The following GPALPP1 variants were observed in gnomAD, a reference collection of about 807,000 sequenced individuals.
GPALPP1 encodes the protein GPALPP motifs-containing protein 1.
GPALPP1 carries 30 observed loss-of-function variants against 38.9 expected under a neutral mutation model. The observed-to-expected ratio is 0.77, with a 90% confidence interval of 0.58 to 1.05. The LOEUF is 1.05. GPALPP1 is among the 50% of genes least tolerant of loss of function. The pLI, the probability that GPALPP1 is intolerant of heterozygous loss-of-function variation, is 0.00. For synonymous variants in GPALPP1, 120 were observed against 139.2 expected (o/e 0.86, Z 0.97); for missense variants, 384 against 408.8 (o/e 0.94, Z 0.52).
intron 1 of GPALPP1, among the ~76,000 whole-genome samples, chr13:44,993,803 TTC>T (rs949107173): frequency 8.0e-6 from 1 of 125,452 alleles, no homozygotes; most frequent in African/African-American, 2.7e-5. Context: ...GCTTGTTAAT[TTC>T]TGTTTGTCTT....
At chr13:45,034,501 A>C (rs893490543), downstream of GPALPP1, 1 of 152,142 alleles carries the variant, frequency 6.6e-6, no homozygotes, top group Non-Finnish European at 1.5e-5. Flanking sequence ...AAAAGCTAGC[A>C]GTGTGAAAAG....
rs1269284087 is a variant in GPALPP1 at position 45,008,846 on chromosome 13, A to G, written c.375A>G (p.Lys125=). Residue 125 remains lysine (K), a synonymous_variant, in exon 4 of 8, where the codon AAA becomes AAG. Coordinates refer to ENST00000379151, the MANE Select transcript of GPALPP1 (RefSeq NM_018559.5). ...CTGGTTTCATTAAATCTACACAGAA[A>G]AGTGACAAGGGCAGAGATGATCCAG... ...LPPGFIKSTQ[K]SDKGRDDPGQ... 6.3e-7 allele frequency: 1 copy of G among 1,599,996 alleles called. No homozygotes were observed. The highest frequency in any genetic ancestry group is 8.6e-7 in the Non-Finnish European group (1 of 1,167,330).
rs1876091021 is a variant in GPALPP1, at chr13:45,029,655, C to T, written c.*1652C>T. On this transcript the variant is annotated 3_prime_UTR_variant, in exon 8 of 8. Coordinates refer to ENST00000379151, the MANE Select transcript of GPALPP1 (RefSeq NM_018559.5). ...TCAAGTCCTTACTGTAAATCCATGA[C>T]TTTGAAATTTGTTGTTTTTTCCCTT... The T allele has an allele frequency of 1.3e-5, 2 of 152,236 alleles. No individual in the cohort carries two copies. Among genetic ancestry groups the T allele is most frequent in the South Asian group, 4.1e-4 (2 of 4,826 alleles). The allele number at this position is 152,236 out of a possible 1,614,324, so 9.4% of individuals were successfully genotyped here.
At chr13:45,031,852 A>G (rs1420996060), downstream of GPALPP1, 1 of 152,228 alleles carries the variant, frequency 6.6e-6, no homozygotes, top group Non-Finnish European at 1.5e-5. Flanking sequence ...GGCAGGAGAC[A>G]TTTTAATAAG....
chr13:44,994,630 C>G (rs1038951246), intron 1 of GPALPP1, among the ~76,000 whole-genome samples: 1 of 152,170 alleles, frequency 6.6e-6, no homozygotes, highest in Non-Finnish European at 1.5e-5. Context: ...GTTTTCAGAG[C>G]TCAGTACAAA....
At position 45,020,374 on chromosome 13, in the gene GPALPP1, A is replaced by G; in HGVS notation, c.750A>G (p.Glu250=). Residue 250 remains glutamate, a synonymous_variant, in exon 7 of 8, where the codon GAA becomes GAG. Coordinates refer to ENST00000379151, the MANE Select transcript of GPALPP1 (RefSeq NM_018559.5). ...ARKSSSKKDE[E]HILSGRDKRL... Reference sequence around the variant, plus strand: ...AGTCATCCAGTAAGAAAGATGAAGAACATATATTATCAGGAAGAGATAAGA... The same window carrying G: ...AGTCATCCAGTAAGAAAGATGAAGAGCATATATTATCAGGAAGAGATAAGA... The G allele has an allele frequency of 6.5e-7, 1 of 1,549,910 alleles. No individual in the cohort carries two copies. The highest frequency in any genetic ancestry group is 1.4e-5 in the African/African-American group (1 of 73,540).
intron 7 of GPALPP1, among the ~76,000 whole-genome samples, chr13:45,026,050 G>C (rs754621341): frequency 1.1e-4 from 16 of 152,198 alleles, no homozygotes; most frequent in Non-Finnish European, 1.8e-4. Context: ...GATTACAGGC[G>C]TGAGCCACTG....
At chr13:44,995,620 G>A (rs1275888040) in intron 1 of GPALPP1, among the ~76,000 whole-genome samples, 1 of 152,146 alleles carries the variant, frequency 6.6e-6, no homozygotes, top group African/African-American at 2.4e-5. Context: ...GACTGTCCCA[G>A]TTTTAGCACT....
At chr13:44,997,147 T>A (rs1160192484) in intron 1 of GPALPP1, among the ~76,000 whole-genome samples, 1 of 151,686 alleles carries the variant, frequency 6.6e-6, no homozygotes, top group Non-Finnish European at 1.5e-5. Context: ...TTAAGTTTCA[T>A]CCATGTGGTA....
At chr13:45,004,561 G>A (rs1285948516) in intron 2 of GPALPP1, 124 bp downstream of exon 2, 1 of 615,578 alleles carries the variant, frequency 1.6e-6, no homozygotes. Flanking sequence ...AAATCATTTT[G>A]TGTGGCATTT....
chr13:45,011,735 C>T (rs1325675828), intron 4 of GPALPP1, among the ~76,000 whole-genome samples: 1 of 152,194 alleles, frequency 6.6e-6, no homozygotes, highest in Non-Finnish European at 1.5e-5. Flanking sequence ...AAGTATTCAA[C>T]TTCAAATAGC....
rs181252018 is a variant in GPALPP1, at chr13:45,015,025, C to T, written c.482C>T (p.Thr161Met). The stretch of plus-strand genomic sequence containing the variant: ...AAAGGACCAGTTAACTATAATGTAA[C>T]GACAGAGTTTGAAAAAAGGGCCCAG... ...PAKGPVNYNV[T>M]TEFEKRAQRM... is the part of the protein sequence containing the mutation. The change falls in exon 5 of 8, where the codon ACG becomes ATG. Residue 161 changes from threonine to methionine, a missense_variant. Transcript: ENST00000379151. 2.4e-5 allele frequency: 39 copies of T among 1,604,764 alleles called. No homozygotes were observed. The Admixed American group carries it at 3.2e-4, about 13-fold the overall frequency.
intron 1 of GPALPP1, among the ~76,000 whole-genome samples, chr13:44,998,747 C>T (rs1316412400): frequency 2.6e-5 from 4 of 152,182 alleles, no homozygotes; most frequent in African/African-American, 7.2e-5. Context: ...TTTATATTTG[C>T]ATGATTTAAC....
intron 4 of GPALPP1, among the ~76,000 whole-genome samples, chr13:45,014,368 A>T (rs186872782): frequency 3.9e-5 from 6 of 152,202 alleles, no homozygotes; most frequent in Non-Finnish European, 7.3e-5. Context: ...AATCACTAAC[A>T]GTTGAGATAA....
chr13:44,996,999 C>T (rs183394076), intron 1 of GPALPP1, among the ~76,000 whole-genome samples: 6 of 151,954 alleles, frequency 3.9e-5, no homozygotes, highest in Non-Finnish European at 7.4e-5. Flanking sequence ...CTCATTCCCC[C>T]CTCCAGCTCC....
At chr13:45,024,553 C>G (rs113779426) in intron 7 of GPALPP1, among the ~76,000 whole-genome samples, 7,445 of 150,848 alleles carry the variant, frequency 0.049, 270 homozygotes, top group East Asian at 0.12. Context: ...CCCACCTTGG[C>G]CTTCCAAAGT....
At chr13:44,990,755 G>A (rs1234330453) in intron 1 of GPALPP1, among the ~76,000 whole-genome samples, 1 of 152,074 alleles carries the variant, frequency 6.6e-6, no homozygotes, top group Non-Finnish European at 1.5e-5. Flanking sequence ...TCTACTACAG[G>A]CCCCTTTCCA....
chr13:45,006,233 G>A lies in GPALPP1; in HGVS notation c.253G>A (p.Asp85Asn), dbSNP rs762040602. 1 of 1,610,484 alleles carries A rather than the reference G, an allele frequency of 6.2e-7. No individual in the cohort carries two copies. Among genetic ancestry groups the A allele is most frequent in the Non-Finnish European group, 8.5e-7 (1 of 1,177,572 alleles). ...GAGGAAAAATCAGGATGATGACGAT[G>A]ATGATGATGATGGGTTTTTTGGACC... ...KQRKNQDDDD[D>N]DDDGFFGPAL... Residue 85 changes from aspartate to asparagine, a missense_variant, in exon 3 of 8, where the codon GAT becomes AAT. Physicochemically the swap from Asp to Asn is conservative, Grantham distance 23. Coordinates refer to ENST00000379151, the MANE Select transcript of GPALPP1 (RefSeq NM_018559.5).
At chr13:45,013,541 C>A (rs966422782) in intron 4 of GPALPP1, among the ~76,000 whole-genome samples, 1 of 152,186 alleles carries the variant, frequency 6.6e-6, no homozygotes, top group African/African-American at 2.4e-5. Flanking sequence ...CATGTCCATA[C>A]AATAGTTACT....
Sources: gnomAD v4.1 joint callset for allele counts (sites outside exome capture counted in the v4.1 genomes callset) on GRCh38, gnomAD v4.1.1 for gene constraint, MANE v1.5 for transcripts, NCBI Gene and HGNC (gene_info 2026-07-23, HGNC 2026-07-21) for gene names.